GLRA2: variants seen among roughly 807,000 people sequenced by gnomAD.
The protein encoded by GLRA2 is glycine receptor subunit alpha-2.
A neutral mutation model predicts 31.6 loss-of-function variants in GLRA2; 11 were observed. The ratio of observed to expected loss-of-function variants is 0.35; its 90% CI spans 0.22 to 0.58. The LOEUF is 0.58. GLRA2 is among the 20% of genes least tolerant of loss of function. GLRA2 has a pLI of 0.84. For missense variants in GLRA2, 212 were observed against 351.8 expected (o/e 0.60, Z 3.18); for synonymous variants, 132 against 134.0 (o/e 0.99, Z 0.10).
At chrX:14,728,122 T>C (rs1422583033) in intron 8 of GLRA2, among the ~76,000 whole-genome samples, 2 of 112,004 alleles carry the variant, frequency 1.8e-5, no homozygotes, top group Non-Finnish European at 3.8e-5. Context: ...ATTTTTGTGA[T>C]ATAATGGTCT....
At chrX:14,450,166 G>A in the GLRA2 span, among the ~76,000 whole-genome samples, 3 of 112,257 alleles carry the variant, frequency 2.7e-5, no homozygotes, top group Non-Finnish European at 5.6e-5. Context: ...CAGGCTACAG[G>A]TGCCATACAA....
At chrX:14,567,214 C>A (rs2089819020) in intron 2 of GLRA2, among the ~76,000 whole-genome samples, 1 of 111,561 alleles carries the variant, frequency 9.0e-6, no homozygotes, top group Admixed American at 9.5e-5. Flanking sequence ...TATTAGCAAA[C>A]CATATCCAAC....
chrX:14,498,752 C>T, the GLRA2 span, among the ~76,000 whole-genome samples: 1 of 111,232 alleles, frequency 9.0e-6, no homozygotes, highest in African/African-American at 3.3e-5. Context: ...ATCAGCCTCT[C>T]TTCATTTCCC....
chrX:14,663,540 C>T (rs920635609), intron 7 of GLRA2, among the ~76,000 whole-genome samples: 1 of 110,252 alleles, frequency 9.1e-6, no homozygotes, highest in African/African-American at 3.3e-5. Context: ...CACACACACA[C>T]AAAATAACTG....
At chrX:14,457,465 TTG>T in the GLRA2 span, among the ~76,000 whole-genome samples, 3 of 110,630 alleles carry the variant, frequency 2.7e-5, no homozygotes, top group Admixed American at 2.9e-4. Flanking sequence ...TTTTCTGATC[TTG>T]TGATAGTTTG....
At chrX:14,556,731 G>A (rs1293100224) in intron 2 of GLRA2, among the ~76,000 whole-genome samples, 1 of 111,969 alleles carries the variant, frequency 8.9e-6, no homozygotes, top group Non-Finnish European at 1.9e-5. Context: ...ATTAGAAAAG[G>A]CTTAGTAAAA....
intron 7 of GLRA2, among the ~76,000 whole-genome samples, chrX:14,646,851 T>C (rs975246542): frequency 8.9e-6 from 1 of 111,983 alleles, no homozygotes; most frequent in African/African-American, 3.3e-5. Context: ...GATCTTTTAA[T>C]TGTGTTAAAA....
chrX:14,591,704 C>G (rs777667191), intron 4 of GLRA2, among the ~76,000 whole-genome samples: 1 of 111,862 alleles, frequency 8.9e-6, no homozygotes, highest in South Asian at 3.7e-4. Context: ...TCAATCCAAT[C>G]AAGTTGACAC....
At chrX:14,498,117 T>A in the GLRA2 span, among the ~76,000 whole-genome samples, 1 of 109,882 alleles carries the variant, frequency 9.1e-6, no homozygotes, top group African/African-American at 3.3e-5. Context: ...TGCAAATAAT[T>A]CCATGGTTAC....
chrX:14,648,206 CAAAT>C (rs1381012694), intron 7 of GLRA2, among the ~76,000 whole-genome samples: 1 of 111,863 alleles, frequency 8.9e-6, no homozygotes, highest in East Asian at 2.8e-4. Context: ...TTTACATAAA[CAAAT>C]AAGACTTATC....
chrX:14,661,311 G>C (rs1210055805), intron 7 of GLRA2, among the ~76,000 whole-genome samples: 1 of 111,950 alleles, frequency 8.9e-6, no homozygotes, highest in African/African-American at 3.2e-5. Flanking sequence ...TTGGCAGTGT[G>C]CTATCTTTTC....
upstream of GLRA2, among the ~76,000 whole-genome samples, chrX:14,527,187 A>G (rs1170535791): frequency 8.9e-6 from 1 of 111,893 alleles, no homozygotes; most frequent in Admixed American, 9.5e-5. Flanking sequence ...TGAGGAGGCT[A>G]AACTAGATCC....
At chrX:14,616,597 T>C (rs758474784) in intron 7 of GLRA2, among the ~76,000 whole-genome samples, 5 of 111,789 alleles carry the variant, frequency 4.5e-5, no homozygotes, top group Non-Finnish European at 9.4e-5. Context: ...AGAATGCTTC[T>C]AACTAGAGAT....
At chrX:14,465,064 A>G in the GLRA2 span, among the ~76,000 whole-genome samples, 3 of 112,195 alleles carry the variant, frequency 2.7e-5, no homozygotes, top group Non-Finnish European at 5.6e-5. Context: ...ATTAATAGGA[A>G]TTACATTGAA....
chrX:14,642,630 A>G (rs749610137), intron 7 of GLRA2, among the ~76,000 whole-genome samples: 22 of 110,486 alleles, frequency 2.0e-4, no homozygotes, highest in African/African-American at 7.2e-4. Flanking sequence ...TGTTATAGCT[A>G]TATTAATTTC....
the GLRA2 span, among the ~76,000 whole-genome samples, chrX:14,505,895 A>G: frequency 9.0e-6 from 1 of 111,459 alleles, no homozygotes; most frequent in East Asian, 2.8e-4. Flanking sequence ...TATGGCTCTG[A>G]AAAACACAGT....
At chrX:14,606,297 G>C (rs770237925) in intron 5 of GLRA2, among the ~76,000 whole-genome samples, 3 of 110,875 alleles carry the variant, frequency 2.7e-5, no homozygotes, top group Non-Finnish European at 5.7e-5. Flanking sequence ...TGAAAGAAGA[G>C]TAGGCTTCAT....
chrX:14,531,189 A>T (rs1167100942), intron 1 of GLRA2: 1 of 886,692 alleles, frequency 1.1e-6, no homozygotes, highest in East Asian at 7.8e-5. Context: ...GTGAGTATTT[A>T]TGCATGCTCA....
chrX:14,548,762 T>C (rs2089515250), intron 2 of GLRA2, among the ~76,000 whole-genome samples: 1 of 111,885 alleles, frequency 8.9e-6, no homozygotes, highest in South Asian at 3.8e-4. Context: ...GCATAAATCA[T>C]ACATGTTGAT....
Sources: allele counts gnomAD v4.1 joint callset (sites outside exome capture counted in the v4.1 genomes callset), GRCh38; gene constraint gnomAD v4.1.1; transcripts MANE v1.5; gene names NCBI Gene and HGNC (gene_info 2026-07-23, HGNC 2026-07-21).